The following NHSL1 variants were observed in gnomAD, a reference collection of about 807,000 sequenced individuals.
The protein encoded by NHSL1 is NHS-like protein 1.
NHSL1 carries 48 observed loss-of-function variants against 95.0 expected under a neutral mutation model. The ratio of observed to expected loss-of-function variants is 0.51; its 90% CI spans 0.40 to 0.64. The LOEUF (loss-of-function observed/expected upper bound fraction) is 0.64. Among genes scored for constraint, NHSL1 ranks in the 30% least tolerant of loss-of-function variants. NHSL1 has a pLI of 0.00. For synonymous variants in NHSL1, 783 were observed against 833.9 expected (o/e 0.94, Z 1.05); for missense variants, 1,971 against 2,077.7 (o/e 0.95, Z 1.00).
intron 2 of NHSL1, among the ~76,000 whole-genome samples, chr6:138,477,212 CA>C (rs1779131317): frequency 6.6e-6 from 1 of 152,104 alleles, no homozygotes; most frequent in African/African-American, 2.4e-5. Context: ...AAATATTTCA[CA>C]AATATAGAGA....
intron 1 of NHSL1, among the ~76,000 whole-genome samples, chr6:138,587,108 G>C (rs187376888): frequency 6.6e-6 from 1 of 151,954 alleles, no homozygotes; most frequent in African/African-American, 2.4e-5. Flanking sequence ...GAGTAACTGG[G>C]ATTACAGGCG....
intron 1 of NHSL1, among the ~76,000 whole-genome samples, chr6:138,544,361 C>T (rs1333200426): frequency 2.6e-5 from 4 of 151,864 alleles, no homozygotes; most frequent in Non-Finnish European, 4.4e-5. Context: ...AAATCCACTG[C>T]AACTAGATAC....
intron 3 of NHSL1, among the ~76,000 whole-genome samples, chr6:138,469,745 A>C (rs1371561415): frequency 2.0e-5 from 3 of 152,160 alleles, no homozygotes; most frequent in South Asian, 2.1e-4. Flanking sequence ...AAAACAAAAA[A>C]CAAAACAACA....
At chr6:138,581,492 G>A (rs577928207) in intron 1 of NHSL1, among the ~76,000 whole-genome samples, 1 of 151,930 alleles carries the variant, frequency 6.6e-6, no homozygotes, top group Non-Finnish European at 1.5e-5. Context: ...AGAAGTTCGA[G>A]ACCAGCCTGG....
chr6:138,598,665 T>G (rs1284109228), intron 1 of NHSL1, among the ~76,000 whole-genome samples: 3 of 151,684 alleles, frequency 2.0e-5, no homozygotes, highest in African/African-American at 7.3e-5. Flanking sequence ...TTTTCTTTCT[T>G]CTAAGAACTA....
At position 138,437,443 on chromosome 6, in the gene NHSL1, C is replaced by CA. The variant is rs1261680205; in HGVS notation, c.665-3764dup. 4.2e-3 allele frequency among the ~76,000 whole-genome samples: 176 copies of CA among 41,590 alleles called. 31 individuals are homozygous for CA. The highest frequency in any genetic ancestry group is 0.031 in the East Asian group (48 of 1,540). The allele number at this position is 41,590 out of a possible 152,430, so 27.3% of individuals were successfully genotyped here. On this transcript the variant is annotated intron_variant, in intron 5 of 7. Coordinates refer to ENST00000343505, the MANE Select transcript of NHSL1 (RefSeq NM_001144060.2). ...ACACACACACACACACACACACACA[C>CA]ACAAAAAAAAAAAAAAAAAATACAA...
chr6:138,458,557 G>T lies in NHSL1; in HGVS notation c.340-11364C>A, dbSNP rs150947462. On this transcript the variant is annotated intron_variant, in intron 3 of 7. Transcript: ENST00000343505. ...AAAGTACAAAAATTAGGCTGGGCGT[G>T]GTGGCTCACACCTGTAATCCCAGCA... 3.6e-3 allele frequency among the ~76,000 whole-genome samples: 552 copies of T among 152,086 alleles called. 4 individuals are homozygous for T. The highest frequency in any genetic ancestry group is 0.01 in the Middle Eastern group (3 of 294).
At chr6:138,645,052 G>A (rs1174882165) in intron 1 of NHSL1, among the ~76,000 whole-genome samples, 1 of 152,216 alleles carries the variant, frequency 6.6e-6, no homozygotes, top group Non-Finnish European at 1.5e-5. Context: ...AGCATGATGT[G>A]TGTAAACCTT....
rs996859653 is a variant in NHSL1, at chr6:138,424,215, C to T, written c.4687G>A (p.Gly1563Ser). ...DGLAREEMDE[G>S]GLLCGEGPAA... ...GGCCCCTCCCCACAGAGCAGGCCGC[C>T]CTCGTCCATCTCCTCCCTCGCCAGT... The change falls in exon 8 of 8, where the codon GGC (glycine) becomes AGC (serine). Residue 1563 changes from glycine to serine, a missense_variant. Physicochemically the swap from Gly to Ser is moderately conservative, Grantham distance 56. Transcript: ENST00000343505. The surrounding 1 kb of genome is among the most constrained non-coding windows in gnomAD (Gnocchi z 5.9). The T allele has an allele frequency of 1.3e-5, 19 of 1,504,054 alleles. No homozygotes were observed. The African/African-American group carries it at 2.7e-4, about 21-fold the overall frequency. 93.2% of individuals were successfully genotyped at this position (1,504,054 alleles called of 1,614,324 possible).
intron 3 of NHSL1, among the ~76,000 whole-genome samples, chr6:138,471,003 C>T (rs924769472): frequency 6.6e-5 from 10 of 152,086 alleles, no homozygotes; most frequent in South Asian, 2.1e-4. Context: ...CCCTTATACA[C>T]GACCATTTTC....
chr6:138,617,284 G>A (rs139181909), intron 1 of NHSL1, among the ~76,000 whole-genome samples: 1 of 152,282 alleles, frequency 6.6e-6, no homozygotes, highest in Non-Finnish European at 1.5e-5. Flanking sequence ...CTTTCAGGCG[G>A]TGGGAAGGGA....
Position 138,424,291 on chromosome 6 carries a change from G to T in NHSL1, c.4611C>A (p.Asp1537Glu). 6.6e-7 allele frequency: 1 copy of T among 1,510,698 alleles called. No homozygotes were observed. Among genetic ancestry groups the T allele is most frequent in the African/African-American group, 1.4e-5 (1 of 71,984 alleles). 93.6% of individuals were successfully genotyped at this position (1,510,698 alleles called of 1,614,324 possible). The change falls in exon 8 of 8, where the codon GAC (aspartate) becomes GAA (glutamate). Residue 1537 changes from aspartate to glutamate, a missense_variant. By Grantham distance (45) the Asp-to-Glu change is conservative. Around this residue, in one of 3 missense-constraint regions of NHSL1, gnomAD observed 223 missense variants for 217.0 expected, o/e 1.03. Coordinates refer to ENST00000343505, the MANE Select transcript of NHSL1 (RefSeq NM_001144060.2). The surrounding 1 kb of genome is among the most constrained non-coding windows in gnomAD (Gnocchi z 5.9). Reference protein sequence around the residue: ...EGEGEAVEPVDSIARGALGAA... With the variant: ...EGEGEAVEPVESIARGALGAA... ...CGCCCAGAGCCCCGCGGGCTATGCTGTCCACAGGCTCCACGGCTTCCCCTT... is the reference window on the plus strand; with the variant it reads ...CGCCCAGAGCCCCGCGGGCTATGCTTTCCACAGGCTCCACGGCTTCCCCTT...
chr6:138,473,927 C>T (rs1226697192), intron 2 of NHSL1, among the ~76,000 whole-genome samples: 4 of 151,730 alleles, frequency 2.6e-5, no homozygotes, highest in Non-Finnish European at 4.4e-5. Flanking sequence ...GATTATAATG[C>T]TCTCATTTTA....
At chr6:138,686,415 C>A (rs73570708) in intron 1 of NHSL1, among the ~76,000 whole-genome samples, 10,559 of 151,978 alleles carry the variant, frequency 0.069, 1,196 homozygotes, top group African/African-American at 0.24. Flanking sequence ...AGGCTACTAG[C>A]GAGGCTGAGG....
chr6:138,561,906 G>A (rs1220332819), intron 1 of NHSL1, among the ~76,000 whole-genome samples: 3 of 152,254 alleles, frequency 2.0e-5, no homozygotes, highest in East Asian at 1.9e-4. Context: ...GCACAGTAAC[G>A]AATTTTAGCA....
At position 138,424,280 on chromosome 6, in the gene NHSL1, C is replaced by T. The variant is rs1004489744; in HGVS notation, c.4622G>A (p.Arg1541His). 6 of 1,499,948 alleles carry T rather than the reference C, an allele frequency of 4.0e-6. No individual in the cohort carries two copies. The Middle Eastern group carries it at 7.0e-4, about 175-fold the overall frequency. 92.9% of individuals were successfully genotyped at this position (1,499,948 alleles called of 1,614,324 possible). A position where few individuals can be genotyped will look rare whatever the true frequency, so the allele number is the denominator to read the frequency against. ...TCCCTCCGCAGCGCCCAGAGCCCCGCGGGCTATGCTGTCCACAGGCTCCAC... is the reference window on the plus strand; with the variant it reads ...TCCCTCCGCAGCGCCCAGAGCCCCGTGGGCTATGCTGTCCACAGGCTCCAC... ...EAVEPVDSIA[R>H]GALGAAEGCS... Residue 1541 changes from arginine (R) to histidine (H), a missense_variant, in exon 8 of 8, where the codon CGC becomes CAC. Around this residue, in one of 3 missense-constraint regions of NHSL1, gnomAD observed 223 missense variants for 217.0 expected, o/e 1.03. Coordinates refer to ENST00000343505, the MANE Select transcript of NHSL1 (RefSeq NM_001144060.2). This position sits in a 1 kb window ranked among gnomAD's most constrained non-coding sequence, Gnocchi z 5.9.
intron 1 of NHSL1, among the ~76,000 whole-genome samples, chr6:138,689,304 G>A (rs898519238): frequency 6.6e-6 from 1 of 152,170 alleles, no homozygotes. Context: ...GTGAACCAAT[G>A]CCATGGGAAC....
At chr6:138,615,320 T>C (rs1784564552) in intron 1 of NHSL1, among the ~76,000 whole-genome samples, 1 of 152,258 alleles carries the variant, frequency 6.6e-6, no homozygotes, top group Non-Finnish European at 1.5e-5. Context: ...TCAACATTGC[T>C]ATTTTGCTGG....
chr6:138,473,384 A>C lies in NHSL1; in HGVS notation c.261T>G (p.Ser87=). Residue 87 remains serine (S), a synonymous_variant, in exon 3 of 8, where the codon TCT becomes TCG. Transcript: ENST00000343505. ...HDGYRSSQYY[S]QGPTFAANAS... ...CGTTGGCCGCAAAGGTGGGTCCCTG[A>C]GAGTAGTACTGAGAACTGCGGTAGC... 1 of 1,547,548 alleles carries C rather than the reference A, an allele frequency of 6.5e-7. No homozygotes were observed. Among genetic ancestry groups the C allele is most frequent in the Non-Finnish European group, 8.7e-7 (1 of 1,145,410 alleles).
Sources: gnomAD v4.1 joint callset for allele counts (sites outside exome capture counted in the v4.1 genomes callset) on GRCh38, gnomAD v4.1.1 for gene constraint, gnomAD v4.1.1 regional missense constraint, Gnocchi (gnomAD v3.1) non-coding constraint, MANE v1.5 for transcripts, NCBI Gene and HGNC (gene_info 2026-07-23, HGNC 2026-07-21) for gene names.